The following PCDHA1 variants were observed in gnomAD, a reference collection of about 807,000 sequenced individuals.
PCDHA1 encodes the protein protocadherin alpha-1.
PCDHA1 carries 42 observed loss-of-function variants against 61.3 expected under a neutral mutation model. The observed-to-expected ratio is 0.69, with a 90% CI of 0.54 to 0.89. PCDHA1 has a LOEUF of 0.89. Ranked by LOEUF, PCDHA1 falls within the 40% of genes least tolerant of loss-of-function variation. The pLI is 0.00. For synonymous variants in PCDHA1, 610 were observed against 553.8 expected (o/e 1.10, Z -1.43); for missense variants, 1,256 against 1,235.3 (o/e 1.02, Z -0.25).
intron 1 of PCDHA1, chr5:140,807,370 G>T: frequency 6.2e-7 from 1 of 1,608,352 alleles, no homozygotes; most frequent in African/African-American, 1.4e-5. Flanking sequence ...AGCTGGTGCC[G>T]CGCCTGTTCC....
intron 1 of PCDHA1, chr5:140,862,752 G>A (rs554442218): frequency 5.2e-6 from 3 of 577,754 alleles, no homozygotes; most frequent in East Asian, 4.7e-5. Flanking sequence ...TGCACGCGGA[G>A]AGCGGCAAGA....
intron 1 of PCDHA1, chr5:140,816,133 A>T (rs1765850461): frequency 6.6e-6 from 1 of 152,150 alleles, no homozygotes; most frequent in Non-Finnish European, 1.5e-5. Flanking sequence ...AACTGTCATA[A>T]TGAGTAGAGC....
intron 1 of PCDHA1, chr5:140,842,511 T>G: frequency 6.2e-7 from 1 of 1,613,722 alleles, no homozygotes; most frequent in Non-Finnish European, 8.5e-7. Flanking sequence ...CCCTTCAAGC[T>G]GGTGTCCACC....
intron 1 of PCDHA1, among the ~76,000 whole-genome samples, chr5:140,837,580 TTGTAAATCGCCAA>T (rs1410482182): frequency 1.4e-4 from 22 of 151,942 alleles, no homozygotes; most frequent in Admixed American, 1.1e-3. Context: ...AATCACCAAA[TTGTAAATCGCCAA>T]TATATATATT....
Position 140,786,642 on chromosome 5 carries a change from C to T in PCDHA1, c.352C>T (p.His118Tyr). The stretch of plus-strand genomic sequence containing the variant: ...CGCCGACAGGCCGCTGCAGGTTTTC[C>T]ATGTGGAGGTGAAGGTGAAAGACAT... ...LIADRPLQVF[H>Y]VEVKVKDIND... The change falls in exon 1 of 4, where the codon CAT becomes TAT. Residue 118 changes from histidine (H) to tyrosine (Y), a missense_variant. By Grantham distance (83) the His-to-Tyr change is moderately conservative. Coordinates refer to ENST00000504120, the MANE Select transcript of PCDHA1 (RefSeq NM_018900.4). 1 of 1,614,234 alleles carries T rather than the reference C, an allele frequency of 6.2e-7. No homozygotes were observed.
At chr5:140,946,705 T>A (rs246053) in intron 1 of PCDHA1, among the ~76,000 whole-genome samples, 81,982 of 146,914 alleles carry the variant, frequency 0.56, 23,474 homozygotes, top group African/African-American at 0.69. Context: ...AATCTGGAGG[T>A]CATTATGTTT....
chr5:140,882,066 T>G (rs1198525083), intron 1 of PCDHA1: 1 of 845,446 alleles, frequency 1.2e-6, no homozygotes, highest in East Asian at 2.7e-5. Context: ...TACACGTTCA[T>G]GCGCATGGTG....
chr5:141,003,648 G>A lies in PCDHA1; in HGVS notation c.2543-5979G>A, dbSNP rs1314983871. On this transcript the variant is annotated intron_variant, in intron 3 of 3. Transcript: ENST00000504120. ...GTTTTTAAAGTAGAAGTGAAGATCTGTATGCATTTATTAAAATATATGTTG... is the reference window on the plus strand; with the variant it reads ...GTTTTTAAAGTAGAAGTGAAGATCTATATGCATTTATTAAAATATATGTTG... Among the ~76,000 whole-genome samples the A allele has an allele frequency of 3.3e-5, 5 of 152,226 alleles. No individual in the cohort carries two copies. In the South Asian group the frequency reaches 6.2e-4, roughly 19 times the overall value.
At chr5:140,964,677 A>G (rs578237071) in intron 1 of PCDHA1, among the ~76,000 whole-genome samples, 11 of 152,090 alleles carry the variant, frequency 7.2e-5, no homozygotes, top group Non-Finnish European at 1.0e-4. Flanking sequence ...CAGGTCCACA[A>G]TTTGTGCACT....
At chr5:140,794,895 C>G (rs560723600) in intron 1 of PCDHA1, 6 of 1,474,632 alleles carry the variant, frequency 4.1e-6, no homozygotes, top group Non-Finnish European at 5.5e-6. Context: ...AGGACTTTAA[C>G]AGAGACTAGA....
intron 1 of PCDHA1, among the ~76,000 whole-genome samples, chr5:140,790,136 C>A (rs1215343343): frequency 6.6e-6 from 1 of 152,170 alleles, no homozygotes; most frequent in Non-Finnish European, 1.5e-5. Flanking sequence ...AAAATAGCCT[C>A]TTCCTGCTAC....
At chr5:140,908,530 T>G (rs1554193400) in intron 1 of PCDHA1, among the ~76,000 whole-genome samples, 1 of 152,148 alleles carries the variant, frequency 6.6e-6, no homozygotes, top group African/African-American at 2.4e-5. Flanking sequence ...AATGTTCAGT[T>G]TCCACCAAAG....
chr5:140,903,491 G>T (rs1253397353), intron 1 of PCDHA1, among the ~76,000 whole-genome samples: 4 of 152,094 alleles, frequency 2.6e-5, no homozygotes, highest in African/African-American at 9.7e-5. Flanking sequence ...GTTCTGAGCA[G>T]GTACCATAGA....
At chr5:140,867,294 T>C (rs987236296) in intron 1 of PCDHA1, 3 of 152,152 alleles carry the variant, frequency 2.0e-5, no homozygotes, top group African/African-American at 7.2e-5. Flanking sequence ...TCAAATATCA[T>C]GTTGAATATA....
At chr5:140,979,350 A>T (rs113796939) in intron 2 of PCDHA1, among the ~76,000 whole-genome samples, 1,685 of 150,698 alleles carry the variant, frequency 0.011, 22 homozygotes, top group East Asian at 0.044. Flanking sequence ...TGTAATTAAT[A>T]CTCATGCTTT....
intron 3 of PCDHA1, among the ~76,000 whole-genome samples, chr5:140,995,247 A>G (rs1377733694): frequency 6.6e-6 from 1 of 152,186 alleles, no homozygotes; most frequent in Non-Finnish European, 1.5e-5. Context: ...TAAGTAAAAT[A>G]AGGGTACTTG....
At chr5:140,981,725 A>T (rs1554243280) in intron 2 of PCDHA1, among the ~76,000 whole-genome samples, 1 of 151,396 alleles carries the variant, frequency 6.6e-6, no homozygotes, top group Non-Finnish European at 1.5e-5. Context: ...TCCAACAAAT[A>T]TTTGAGAGAT....
At chr5:140,807,999 A>G (rs1554124378) in intron 1 of PCDHA1, 1 of 1,613,834 alleles carries the variant, frequency 6.2e-7, no homozygotes, top group South Asian at 1.1e-5. Flanking sequence ...GATTTAGACG[A>G]AGGATTGAAT....
chr5:140,921,888 A>G (rs1430604991), intron 1 of PCDHA1, among the ~76,000 whole-genome samples: 8 of 152,090 alleles, frequency 5.3e-5, no homozygotes, highest in African/African-American at 1.9e-4. Context: ...AGATTTTAGA[A>G]AGGAGGATAA....
Sources: allele counts gnomAD v4.1 joint callset (sites outside exome capture counted in the v4.1 genomes callset), GRCh38; gene constraint gnomAD v4.1.1; transcripts MANE v1.5; gene names NCBI Gene and HGNC (gene_info 2026-07-23, HGNC 2026-07-21).